SERPINA12: variants seen among roughly 807,000 people sequenced by gnomAD.
SERPINA12 encodes serpin family A member 12, also known as serpin A12.
SERPINA12 carries 21 observed loss-of-function variants against 25.9 expected under a neutral mutation model. That is an observed-to-expected ratio of 0.81 (90% CI 0.58 to 1.17). The LOEUF (loss-of-function observed/expected upper bound fraction) is 1.17, where lower values mean the gene tolerates loss of function less well. SERPINA12 is among the 50% of genes most tolerant of loss of function. SERPINA12 has a pLI of 0.00. For synonymous variants in SERPINA12, 220 were observed against 196.0 expected (o/e 1.12, Z -1.02); for missense variants, 562 against 508.3 (o/e 1.11, Z -1.02).
At chr14:94,503,073 G>A (rs1318892030) in intron 1 of SERPINA12, among the ~76,000 whole-genome samples, 1 of 152,246 alleles carries the variant, frequency 6.6e-6, no homozygotes, top group East Asian at 1.9e-4. Context: ...TGCACTTGAA[G>A]AGCCACTTCA....
chr14:94,496,345 A>T, intron 3 of SERPINA12, 28 bp downstream of exon 3: 1 of 1,613,386 alleles, frequency 6.2e-7, no homozygotes. Flanking sequence ...AGAAGGAAAA[A>T]GCTGCGAGGG....
intron 1 of SERPINA12, chr14:94,501,013 C>A: frequency 8.1e-6 from 8 of 985,074 alleles, no homozygotes; most frequent in Non-Finnish European, 8.4e-6. Flanking sequence ...CTTCTACCCC[C>A]AAAAACCACT....
chr14:94,512,968 C>T (rs1478244670), upstream of SERPINA12, among the ~76,000 whole-genome samples: 1 of 152,168 alleles, frequency 6.6e-6, no homozygotes, highest in Non-Finnish European at 1.5e-5. Context: ...ATCTATTCTC[C>T]AAGAATGTTC....
chr14:94,491,857 G>A (rs760055386), intron 3 of SERPINA12, among the ~76,000 whole-genome samples: 2 of 152,178 alleles, frequency 1.3e-5, no homozygotes, highest in Non-Finnish European at 2.9e-5. Flanking sequence ...CCACGACTCT[G>A]GAATTTGGGG....
chr14:94,495,832 C>T (rs1043099421), intron 3 of SERPINA12, among the ~76,000 whole-genome samples: 1 of 152,220 alleles, frequency 6.6e-6, no homozygotes, highest in African/African-American at 2.4e-5. Flanking sequence ...TATCAGTAAG[C>T]AAGTGCCTGG....
At chr14:94,489,590 G>A in intron 4 of SERPINA12, 30 bp downstream of exon 4, 1 of 1,610,754 alleles carries the variant, frequency 6.2e-7, no homozygotes, top group South Asian at 1.1e-5. Context: ...CTGTGCTGCA[G>A]GGAGTGGAGT....
chr14:94,495,064 C>CTTTTTT (rs71129685), intron 3 of SERPINA12, among the ~76,000 whole-genome samples: 40 of 98,210 alleles, frequency 4.1e-4, no homozygotes, highest in East Asian at 9.5e-4. Flanking sequence ...ATTTCCCTTT[C>CTTTTTT]TTTTTTTTTT....
In SERPINA12 at chr14:94,489,647, G is replaced by A; in HGVS notation, c.1026C>T (p.Ala342=). Residue 342 remains alanine, a synonymous_variant, in exon 4 of 5, where the codon GCC becomes GCT. Transcript: ENST00000677451. ...CGCCCACTTTCAGGCTGCGATGAGG[G>A]GCGATCTTGGTGAGATCACCATGTT... is the stretch of plus-strand genomic sequence containing the variant. The part of the protein sequence containing the change: ...FEEHGDLTKI[A]PHRSLKVGEA... 1.2e-6 allele frequency: 2 copies of A among 1,614,152 alleles called. No individual in the cohort carries two copies. The highest frequency in any genetic ancestry group is 2.2e-5 in the South Asian group (2 of 91,076).
intron 1 of SERPINA12, among the ~76,000 whole-genome samples, chr14:94,499,545 G>A (rs1900623598): frequency 6.6e-6 from 1 of 152,190 alleles, no homozygotes; most frequent in Non-Finnish European, 1.5e-5. Flanking sequence ...TCTTTGCTTG[G>A]TCATCTGTTA....
chr14:94,511,632 T>G (rs1352074340), upstream of SERPINA12: 1 of 985,324 alleles, frequency 1.0e-6, no homozygotes, highest in Non-Finnish European at 1.2e-6. Context: ...GACTTCTCCT[T>G]TGGAAGGTGT....
intron 3 of SERPINA12, among the ~76,000 whole-genome samples, chr14:94,493,771 A>C (rs1171534869): frequency 6.6e-6 from 1 of 152,248 alleles, no homozygotes; most frequent in African/African-American, 2.4e-5. Flanking sequence ...CCAAACCTCC[A>C]GGAAGTCTGG....
intron 4 of SERPINA12, among the ~76,000 whole-genome samples, chr14:94,487,782 G>A (rs1899967409): frequency 6.6e-6 from 1 of 152,206 alleles, no homozygotes. Flanking sequence ...GGGTTACAGG[G>A]AAGCATCAAC....
rs1026977800 is a variant in SERPINA12 at position 94,508,841 on chromosome 14, G to T, written c.-34+501C>A. Among the ~76,000 whole-genome samples the T allele has an allele frequency of 2.0e-5, 3 of 152,210 alleles. No individual in the cohort carries two copies. The East Asian group carries it at 5.8e-4, about 29-fold the overall frequency. ...TATGCATTGAAACATTGTGGGTGGG[G>T]GCCAGCTTTGATTTTCCTCATCTTA... On this transcript the variant is annotated intron_variant, in intron 1 of 4. Transcript: ENST00000677451.
In SERPINA12 at chr14:94,501,077, GA is replaced by G. The variant is rs1318119486; in HGVS notation, c.-33-2648del. 4.1e-6 allele frequency: 4 copies of G among 985,370 alleles called. No homozygotes were observed. The African/African-American group carries it at 7.0e-5, about 17-fold the overall frequency. The allele number at this position is 985,370 out of a possible 1,614,324, so 61.0% of individuals were successfully genotyped here. On this transcript the variant is annotated intron_variant, in intron 1 of 4. Coordinates refer to ENST00000677451, the MANE Select transcript of SERPINA12 (RefSeq NM_001382267.1). ...ATGAACAAGGGCTCTATGGGCTGCT[GA>G]AAACAGATTGTAGAAGAGAAATTAG...
chr14:94,516,395 A>G (rs1401630718), intron 1 of SERPINA12, among the ~76,000 whole-genome samples: 1 of 152,186 alleles, frequency 6.6e-6, no homozygotes, highest in Non-Finnish European at 1.5e-5. Context: ...TGGCTGACAC[A>G]GTGACTCGAG....
chr14:94,509,356 T>C lies in SERPINA12; in HGVS notation c.-48A>G, dbSNP rs1844752014. Among the ~76,000 whole-genome samples the C allele has an allele frequency of 6.9e-6, 1 of 143,970 alleles. No individual in the cohort carries two copies. Among genetic ancestry groups the C allele is most frequent in the African/African-American group, 2.6e-5 (1 of 38,646 alleles). 94.4% of individuals were successfully genotyped at this position (143,970 alleles called of 152,430 possible). ...CTTGGACTAACCTCACCTCCCCAGT[T>C]TCTCCTTTCCCCTCAGGTCAGTCTT... On this transcript the variant is annotated 5_prime_UTR_variant, in exon 1 of 5. Coordinates refer to ENST00000677451, the MANE Select transcript of SERPINA12 (RefSeq NM_001382267.1).
intron 1 of SERPINA12, among the ~76,000 whole-genome samples, chr14:94,507,250 A>G (rs920226294): frequency 1.3e-5 from 2 of 152,240 alleles, no homozygotes; most frequent in Non-Finnish European, 2.9e-5. Flanking sequence ...CTCAAAACCC[A>G]CAAGAATCAA....
Position 94,501,144 on chromosome 14 carries a change from G to A in SERPINA12, c.-33-2714C>T, listed in dbSNP as rs894923574. The A allele has an allele frequency of 3.6e-5, 35 of 985,386 alleles. No homozygotes were observed. The African/African-American group carries it at 5.4e-4, about 15-fold the overall frequency. The allele number at this position is 985,386 out of a possible 1,614,324, so 61.0% of individuals were successfully genotyped here. A position where few individuals can be genotyped will look rare whatever the true frequency, so the allele number is the denominator to read the frequency against. ...TGCTTCAGATAAACAAAAGAAAATA[G>A]GAAGGAGTCCATTTCAGGGTTTAGG... is the stretch of plus-strand genomic sequence containing the variant. On this transcript the variant is annotated intron_variant, in intron 1 of 4. Transcript: ENST00000677451.
chr14:94,487,362 T>C lies in SERPINA12; in HGVS notation c.1186A>G (p.Ser396Gly), dbSNP rs1490659770. The change falls in exon 5 of 5, where the codon AGC (serine) becomes GGC (glycine). Residue 396 changes from serine to glycine, a missense_variant. Physicochemically the swap from Ser to Gly is moderately conservative, Grantham distance 56. Coordinates refer to ENST00000677451, the MANE Select transcript of SERPINA12 (RefSeq NM_001382267.1). ...IDKPYLLLIY[S>G]EKIPSVLFLG... ...AAGAGCACGGAAGGTATTTTCTCGC[T>C]GTAAATCAGCAGCAGATAGGGTTTG... 4.3e-6 allele frequency: 7 copies of C among 1,614,160 alleles called. No homozygotes were observed. Among genetic ancestry groups the C allele is most frequent in the Non-Finnish European group, 5.9e-6 (7 of 1,180,010 alleles).
Sources: allele counts gnomAD v4.1 joint callset (sites outside exome capture counted in the v4.1 genomes callset), GRCh38; gene constraint gnomAD v4.1.1; transcripts MANE v1.5; gene names NCBI Gene and HGNC (gene_info 2026-07-23, HGNC 2026-07-21).